Variants in TPM4 observed in about 807,000 individuals in gnomAD.
TPM4 encodes tropomyosin 4.
A neutral mutation model predicts 35.8 loss-of-function variants in TPM4; 17 were observed. The observed-to-expected ratio is 0.47, with a 90% CI of 0.32 to 0.71. The LOEUF (loss-of-function observed/expected upper bound fraction) is 0.71, where lower values mean the gene tolerates loss of function less well. TPM4 is among the 30% of genes least tolerant of loss of function. TPM4 has a pLI of 0.03. For synonymous variants in TPM4, 120 were observed against 122.9 expected (o/e 0.98, Z 0.15); for missense variants, 240 against 320.9 (o/e 0.75, Z 1.93).
At chr19:16,077,813 G>GTGCAGTGGTGCGATCTCGGCTCGC (rs2090430883) in intron 1 of TPM4, 1 of 227,514 alleles carries the variant, frequency 4.4e-6, no homozygotes, top group Admixed American at 5.7e-5. Flanking sequence ...CCAGGCTGGA[G>GTGCAGTGGTGCGATCTCGGCTCGC]TGCAGTGGTG....
Position 16,088,830 on chromosome 19 carries a change from G to C in TPM4, c.456-215G>C, listed in dbSNP as rs2090590997. 6 of 1,341,044 alleles carry C rather than the reference G, an allele frequency of 4.5e-6. No homozygotes were observed. The African/African-American group carries it at 7.4e-5, about 17-fold the overall frequency. 83.1% of individuals were successfully genotyped at this position (1,341,044 alleles called of 1,614,324 possible). A position where few individuals can be genotyped will look rare whatever the true frequency, so the allele number is the denominator to read the frequency against. ...TCCAAGCCCTCCAAATACTCTTCGG[G>C]CGCACCTCGCCTCTGCCTGGTATGA... On this transcript the variant is annotated intron_variant, in intron 4 of 7. Transcript: ENST00000643579.
intron 4 of TPM4, 153 bp downstream of exon 4, chr19:16,088,250 T>C (rs1170615079): frequency 1.1e-5 from 16 of 1,419,280 alleles, no homozygotes; most frequent in Admixed American, 2.1e-5. Flanking sequence ...TTGGCTTCTG[T>C]GACAAAGAGG....
intron 1 of TPM4, chr19:16,080,527 A>G (rs1223798106): frequency 1.0e-5 from 2 of 191,966 alleles, no homozygotes; most frequent in East Asian, 1.6e-4. Flanking sequence ...ATGACAAAGC[A>G]CGGTCGGGCG....
Position 16,086,422 on chromosome 19 carries a change from G to A in TPM4, c.267-1G>A. On this transcript the variant is annotated splice_acceptor_variant, in intron 2 of 7. Transcript: ENST00000643579. LOFTEE classifies it high-confidence loss of function. ...CGTCCTGATGAGATTGCTCCTTGCA[G>A]AGGAATGAAGGTGATAGAAAACCGG... 1 of 1,612,542 alleles carries A rather than the reference G, an allele frequency of 6.2e-7. No homozygotes were observed.
At chr19:16,074,228 G>A (rs1196046295), upstream of TPM4, 1 of 152,172 alleles carries the variant, frequency 6.6e-6, no homozygotes, top group Non-Finnish European at 1.5e-5. Context: ...CTAGTGTGAG[G>A]AACAGGGCCA....
chr19:16,083,792 T>C (rs1444243033), intron 2 of TPM4, among the ~76,000 whole-genome samples: 1 of 143,746 alleles, frequency 7.0e-6, no homozygotes, highest in East Asian at 2.2e-4. Context: ...AGGGTCTTAC[T>C]CTATCACCCA....
At chr19:16,089,421 C>T (rs1043647708) in intron 5 of TPM4, among the ~76,000 whole-genome samples, 13 of 152,204 alleles carry the variant, frequency 8.5e-5, no homozygotes, top group African/African-American at 3.1e-4. Flanking sequence ...CAGAGCCTGC[C>T]TCTCACCTGA....
chr19:16,098,799 A>T (rs1402615703), intron 7 of TPM4, among the ~76,000 whole-genome samples: 4 of 151,958 alleles, frequency 2.6e-5, no homozygotes, highest in African/African-American at 9.7e-5. Flanking sequence ...ATAATATTTT[A>T]TTTTTAAAAA....
rs1257958205 is a variant in TPM4, at chr19:16,070,149, G to T, written c.114+2411G>T. Among the ~76,000 whole-genome samples the T allele has an allele frequency of 2.0e-5, 3 of 152,154 alleles. No individual in the cohort carries two copies. The highest frequency in any genetic ancestry group is 4.4e-5 in the Non-Finnish European group (3 of 68,000). On this transcript the variant is annotated intron_variant, in intron 2 of 2. Coordinates refer to the TPM4 transcript ENST00000589897. This position sits in a 1 kb window ranked among gnomAD's most constrained non-coding sequence, Gnocchi z 7.4. Reference sequence around the variant, plus strand: ...GCTAAAAGCCTGGAGGCCGGGGCAGGTGGGCTGCCCGTGGTGGACGGAGGA... The same window carrying T: ...GCTAAAAGCCTGGAGGCCGGGGCAGTTGGGCTGCCCGTGGTGGACGGAGGA...
chr19:16,097,363 C>T (rs992429942), intron 7 of TPM4, among the ~76,000 whole-genome samples: 9 of 152,036 alleles, frequency 5.9e-5, no homozygotes, highest in Non-Finnish European at 5.9e-5. Flanking sequence ...CAACCTCTGC[C>T]TCACGGGTTC....
intron 1 of TPM4, chr19:16,076,944 G>A: frequency 3.9e-6 from 3 of 764,630 alleles, no homozygotes; most frequent in Non-Finnish European, 5.2e-6. Flanking sequence ...GGCCGGCCAA[G>A]CGGGAAATGG....
intron 3 of TPM4, among the ~76,000 whole-genome samples, chr19:16,087,119 A>C (rs2090565723): frequency 6.6e-6 from 1 of 152,036 alleles, no homozygotes; most frequent in Non-Finnish European, 1.5e-5. Flanking sequence ...TTCTAAAAAT[A>C]ATAATAATAA....
At chr19:16,081,817 G>A in intron 1 of TPM4, 96 bp from the exon 2 acceptor site, 8 of 1,407,146 alleles carry the variant, frequency 5.7e-6, no homozygotes, top group South Asian at 1.7e-5. Context: ...GCTTTGACGG[G>A]GAAGATCAGG....
Position 16,102,010 on chromosome 19 carries a change from T to A in TPM4, c.*664T>A, listed in dbSNP as rs915998806. 4.7e-6 allele frequency: 1 copy of A among 214,078 alleles called. No individual in the cohort carries two copies. The highest frequency in any genetic ancestry group is 2.3e-5 in the African/African-American group (1 of 44,208). 13.3% of individuals were successfully genotyped at this position (214,078 alleles called of 1,614,324 possible). ...CATATAGTAATTAATAGATGGTAATTAATTGATCCTTGATGTGATGTTCTT... is the reference window on the plus strand; with the variant it reads ...CATATAGTAATTAATAGATGGTAATAAATTGATCCTTGATGTGATGTTCTT... On this transcript the variant is annotated 3_prime_UTR_variant, in exon 8 of 8. Coordinates refer to ENST00000643579, the MANE Select transcript of TPM4 (RefSeq NM_003290.3).
intron 3 of TPM4, 37 bp downstream of exon 3, chr19:16,086,577 T>C (rs749243444): frequency 1.9e-6 from 3 of 1,551,264 alleles, no homozygotes; most frequent in East Asian, 4.5e-5. Flanking sequence ...CAGCAGGAAG[T>C]GGGAGGAAAT....
At chr19:16,094,328 G>C (rs2090667810) in intron 7 of TPM4, among the ~76,000 whole-genome samples, 1 of 152,038 alleles carries the variant, frequency 6.6e-6, no homozygotes, top group Non-Finnish European at 1.5e-5. Context: ...GAAATCAGGA[G>C]TTTGAGACTA....
In TPM4 at chr19:16,076,571, C is replaced by T. The variant is rs1229069660; in HGVS notation, c.6C>T (p.Ala2=). 2 of 1,462,074 alleles carry T rather than the reference C, an allele frequency of 1.4e-6. No individual in the cohort carries two copies. The highest frequency in any genetic ancestry group is 1.8e-6 in the Non-Finnish European group (2 of 1,112,808). The allele number at this position is 1,462,074 out of a possible 1,614,324, so 90.6% of individuals were successfully genotyped here. The change falls in exon 1 of 8, where the codon GCC becomes GCT. Residue 2 remains alanine, a synonymous_variant. Coordinates refer to ENST00000643579, the MANE Select transcript of TPM4 (RefSeq NM_003290.3). M[A]GLNSLEAVKR... is the part of the protein sequence containing the mutation. Reference sequence around the variant, plus strand: ...CGCCTCTGCGCCTCCGCGCCATGGCCGGCCTCAACTCCCTGGAGGCGGTGA... The same window carrying T: ...CGCCTCTGCGCCTCCGCGCCATGGCTGGCCTCAACTCCCTGGAGGCGGTGA...
At chr19:16,074,430 G>C (rs914009546), upstream of TPM4, 1 of 152,200 alleles carries the variant, frequency 6.6e-6, no homozygotes, top group Non-Finnish European at 1.5e-5. Flanking sequence ...CCTCACATTG[G>C]AAGAGGATAA....
upstream of TPM4, chr19:16,076,430 G>GGGGGGCGGGGAGAGGC (rs1404274250): frequency 3.7e-6 from 5 of 1,347,958 alleles, no homozygotes; most frequent in East Asian, 6.3e-5. Flanking sequence ...CAGCCGGCCC[G>GGGGGGCGGGGAGAGGC]GGGGGCGGGG....
Sources: allele counts gnomAD v4.1 joint callset (sites outside exome capture counted in the v4.1 genomes callset), GRCh38; gene constraint gnomAD v4.1.1; non-coding constraint Gnocchi (gnomAD v3.1); transcripts MANE v1.5; gene names NCBI Gene and HGNC (gene_info 2026-07-23, HGNC 2026-07-21).